Variants in ECPAS observed in about 807,000 individuals in gnomAD.
ECPAS encodes the protein proteasome adapter and scaffold protein ECM29.
Under a neutral mutation model 255.1 loss-of-function variants are expected in ECPAS, and 70 were observed. The observed-to-expected ratio is 0.27, with a 90% CI of 0.23 to 0.33. ECPAS has a LOEUF of 0.33. Among genes scored for constraint, ECPAS ranks in the 10% least tolerant of loss-of-function variants. The pLI, the probability that ECPAS is intolerant of heterozygous loss-of-function variation, is 1.00. For missense variants in ECPAS, 1,817 were observed against 2,206.4 expected (o/e 0.82, Z 3.54); for synonymous variants, 784 against 775.0 (o/e 1.01, Z -0.19).
At chr9:111,430,938 G>C (rs1589189275) in intron 8 of ECPAS, among the ~76,000 whole-genome samples, 1 of 152,148 alleles carries the variant, frequency 6.6e-6, no homozygotes, top group African/African-American at 2.4e-5. Context: ...TCAGGCCAAT[G>C]GCATGGAGCA....
intron 2 of ECPAS, among the ~76,000 whole-genome samples, chr9:111,454,671 T>G (rs959780976): frequency 6.6e-6 from 1 of 151,944 alleles, no homozygotes; most frequent in Admixed American, 6.6e-5. Context: ...AGAAGAAAGG[T>G]CAACATCTAC....
At chr9:111,412,523 G>A (rs2098196286) in intron 20 of ECPAS, among the ~76,000 whole-genome samples, 2 of 152,184 alleles carry the variant, frequency 1.3e-5, no homozygotes, top group Admixed American at 1.3e-4. Context: ...CTGGGTTCCA[G>A]TAAAACATGG....
chr9:111,409,367 C>T (rs974948956), intron 23 of ECPAS, among the ~76,000 whole-genome samples: 2 of 152,116 alleles, frequency 1.3e-5, no homozygotes, highest in Non-Finnish European at 2.9e-5. Context: ...CGAGACCAGC[C>T]TGGCCAACAT....
intron 25 of ECPAS, among the ~76,000 whole-genome samples, chr9:111,394,705 G>A (rs145093075): frequency 2.6e-5 from 4 of 151,900 alleles, no homozygotes; most frequent in Non-Finnish European, 5.9e-5. Context: ...CAACACTACC[G>A]ACATTGTGGC....
intron 16 of ECPAS, among the ~76,000 whole-genome samples, chr9:111,419,474 G>A (rs754710629): frequency 7.2e-5 from 11 of 152,016 alleles, no homozygotes; most frequent in Non-Finnish European, 2.9e-5. Flanking sequence ...TTAAAGGCAT[G>A]TCCCAATTTC....
chr9:111,470,969 C>T (rs953271353), intron 2 of ECPAS, among the ~76,000 whole-genome samples: 1 of 151,980 alleles, frequency 6.6e-6, no homozygotes, highest in African/African-American at 2.4e-5. Flanking sequence ...AGGTGACAAG[C>T]AGGAAAGATT....
chr9:111,371,962 A>C, intron 42 of ECPAS, 133 bp from the exon 43 acceptor site: 1 of 668,716 alleles, frequency 1.5e-6, no homozygotes, highest in Non-Finnish European at 2.5e-6. Context: ...CACTCTCTCA[A>C]AGGGAGAGAA....
intron 25 of ECPAS, among the ~76,000 whole-genome samples, chr9:111,396,145 C>G (rs999421999): frequency 1.3e-5 from 2 of 152,180 alleles, no homozygotes; most frequent in African/African-American, 4.8e-5. Flanking sequence ...AATTTCCTCA[C>G]TTGAGAGGAT....
chr9:111,423,108 C>T (rs896688470), intron 13 of ECPAS, 91 bp downstream of exon 13: 1 of 895,518 alleles, frequency 1.1e-6, no homozygotes, highest in African/African-American at 1.7e-5. Context: ...TTCAGAATCA[C>T]GACAAATTTA....
At position 111,360,996 on chromosome 9, in the gene ECPAS, G is replaced by T. The variant is rs988785192; in HGVS notation, c.*1034C>A. Reference sequence around the variant, plus strand: ...ACAGAAGGAAGGAGGAAAACCCCTAGTGGCAATGATTTACTTGGAGTGGTA... The same window carrying T: ...ACAGAAGGAAGGAGGAAAACCCCTATTGGCAATGATTTACTTGGAGTGGTA... On this transcript the variant is annotated 3_prime_UTR_variant, in exon 50 of 50. Coordinates refer to ENST00000684092, the MANE Select transcript of ECPAS (RefSeq NM_001364929.1). 1 of 152,192 alleles carries T rather than the reference G, an allele frequency of 6.6e-6. No individual in the cohort carries two copies. Among genetic ancestry groups the T allele is most frequent in the Non-Finnish European group, 1.5e-5 (1 of 68,034 alleles). 9.4% of individuals were successfully genotyped at this position (152,192 alleles called of 1,614,324 possible).
At chr9:111,477,003 T>C (rs1177874078) in intron 1 of ECPAS, among the ~76,000 whole-genome samples, 2 of 152,036 alleles carry the variant, frequency 1.3e-5, no homozygotes. Context: ...GGTTTCTCCA[T>C]GTTGGTCAGG....
intron 20 of ECPAS, among the ~76,000 whole-genome samples, 177 bp from the exon 21 acceptor site, chr9:111,412,325 AT>A (rs2098195981): frequency 1.3e-5 from 2 of 152,220 alleles, no homozygotes; most frequent in Admixed American, 1.3e-4. Context: ...TCTTAGGTCC[AT>A]TTTCGTCAAA....
intron 1 of ECPAS, among the ~76,000 whole-genome samples, chr9:111,482,689 G>T (rs994837197): frequency 6.6e-6 from 1 of 152,106 alleles, no homozygotes; most frequent in Non-Finnish European, 1.5e-5. Flanking sequence ...CCTTGGGGGG[G>T]AGAACACTCA....
At chr9:111,425,566 C>T in intron 11 of ECPAS, 70 bp from the exon 12 acceptor site, 1 of 1,182,332 alleles carries the variant, frequency 8.5e-7, no homozygotes, top group Non-Finnish European at 1.2e-6. Flanking sequence ...CGGATGATTA[C>T]ATAAAATAAT....
At chr9:111,429,412 A>C (rs1350180961) in intron 9 of ECPAS, among the ~76,000 whole-genome samples, 2 of 152,186 alleles carry the variant, frequency 1.3e-5, no homozygotes, top group Admixed American at 6.5e-5. Flanking sequence ...TACAAAAAGA[A>C]AAGGCCTTCA....
At chr9:111,478,453 G>A (rs1225529061) in intron 1 of ECPAS, among the ~76,000 whole-genome samples, 1 of 152,074 alleles carries the variant, frequency 6.6e-6, no homozygotes, top group Non-Finnish European at 1.5e-5. Context: ...CTTGAACCCA[G>A]AAGGCAGAGG....
chr9:111,483,654 G>T (rs2098310506), intron 1 of ECPAS: 1 of 197,664 alleles, frequency 5.1e-6, no homozygotes, highest in Middle Eastern at 2.7e-3. Flanking sequence ...ACTCGGCGCG[G>T]ACCGCGCTGT....
At chr9:111,459,698 G>A (rs1439905323) in intron 2 of ECPAS, among the ~76,000 whole-genome samples, 1 of 152,100 alleles carries the variant, frequency 6.6e-6, no homozygotes, top group Non-Finnish European at 1.5e-5. Context: ...ATGATTTTAA[G>A]GGGCTTTTTT....
chr9:111,369,138 T>G lies in ECPAS; in HGVS notation c.5010A>C (p.Lys1670Asn). The change falls in exon 46 of 50, where the codon AAA becomes AAC. Residue 1670 changes from lysine (K) to asparagine (N), a missense_variant. Physicochemically the swap from Lys to Asn is moderately conservative, Grantham distance 94. Coordinates refer to ENST00000684092, the MANE Select transcript of ECPAS (RefSeq NM_001364929.1). ...TTTCCTTTTCATTCTCCTCTTCATT[T>G]TTGGTTGTCCGGACCCCACTGCTTT... ...SLESSGVRTT[K>N]NEEENEKEKE... is the part of the protein sequence containing the mutation. 1 of 1,606,512 alleles carries G rather than the reference T, an allele frequency of 6.2e-7. No homozygotes were observed. The highest frequency in any genetic ancestry group is 8.5e-7 in the Non-Finnish European group (1 of 1,177,376).
Sources: gnomAD v4.1 joint callset for allele counts (sites outside exome capture counted in the v4.1 genomes callset) on GRCh38, gnomAD v4.1.1 for gene constraint, MANE v1.5 for transcripts, NCBI Gene and HGNC (gene_info 2026-07-23, HGNC 2026-07-21) for gene names.